The following TMCO5A variants were observed in gnomAD, a reference collection of about 807,000 sequenced individuals.
TMCO5A encodes the protein transmembrane and coiled-coil domains 5A.
In TMCO5A, 34 loss-of-function variants were observed where a neutral mutation model predicts 42.3. That is an observed-to-expected ratio of 0.80 (90% CI 0.61 to 1.07). The LOEUF is 1.07. Among genes scored for constraint, TMCO5A ranks in the 50% least tolerant of loss-of-function variants. The pLI is 0.00. For missense variants in TMCO5A, 357 were observed against 327.9 expected (o/e 1.09, Z -0.69); for synonymous variants, 131 against 115.6 (o/e 1.13, Z -0.86).
At chr15:37,958,115 A>T (rs1033319450) in intron 11 of TMCO5A, among the ~76,000 whole-genome samples, 1 of 152,102 alleles carries the variant, frequency 6.6e-6, no homozygotes, top group South Asian at 2.1e-4. Flanking sequence ...ACTTAAACGT[A>T]AGACCTAAAA....
At chr15:38,017,990 C>T in the TMCO5A span, among the ~76,000 whole-genome samples, 1 of 152,158 alleles carries the variant, frequency 6.6e-6, no homozygotes, top group Non-Finnish European at 1.5e-5. Flanking sequence ...CCTTGCTTCC[C>T]CTTTGCCTTT....
the TMCO5A span, among the ~76,000 whole-genome samples, chr15:37,992,830 G>A: frequency 6.6e-6 from 1 of 152,166 alleles, no homozygotes; most frequent in Admixed American, 6.5e-5. Context: ...GGGAACATCA[G>A]ACACTGGGGA....
downstream of TMCO5A, among the ~76,000 whole-genome samples, chr15:37,954,289 G>A (rs1376129620): frequency 6.6e-6 from 1 of 152,062 alleles, no homozygotes; most frequent in African/African-American, 2.4e-5. Flanking sequence ...ATAGAGAAAG[G>A]ATCACAAATG....
At chr15:38,010,780 C>T in the TMCO5A span, among the ~76,000 whole-genome samples, 1 of 152,042 alleles carries the variant, frequency 6.6e-6, no homozygotes, top group South Asian at 2.1e-4. Context: ...TGAGACAGTG[C>T]CTCACTCTGC....
chr15:38,034,162 C>T, the TMCO5A span, among the ~76,000 whole-genome samples: 12 of 152,140 alleles, frequency 7.9e-5, no homozygotes, highest in African/African-American at 2.9e-4. Flanking sequence ...AAGGGCCTGT[C>T]TAGCTCCCTC....
the TMCO5A span, among the ~76,000 whole-genome samples, chr15:38,011,782 G>T: frequency 6.6e-6 from 1 of 152,128 alleles, no homozygotes; most frequent in Non-Finnish European, 1.5e-5. Context: ...GTGTTTCTGT[G>T]TATCTTTTCC....
chr15:37,976,509 T>C, the TMCO5A span, among the ~76,000 whole-genome samples: 5 of 152,162 alleles, frequency 3.3e-5, no homozygotes, highest in Non-Finnish European at 7.3e-5. Context: ...TTTTCCAAGT[T>C]GCTTGCTTTC....
At chr15:37,963,365 G>A (rs183127013) in intron 11 of TMCO5A, among the ~76,000 whole-genome samples, 1 of 152,002 alleles carries the variant, frequency 6.6e-6, no homozygotes, top group Non-Finnish European at 1.5e-5. Context: ...TGGTTTTGAA[G>A]GTTCCTTTTG....
At chr15:38,018,552 T>C in the TMCO5A span, among the ~76,000 whole-genome samples, 4 of 151,832 alleles carry the variant, frequency 2.6e-5, no homozygotes, top group Admixed American at 2.0e-4. Context: ...AATAGAATTC[T>C]ACCCAACTGG....
the TMCO5A span, among the ~76,000 whole-genome samples, chr15:38,013,181 C>T: frequency 6.6e-6 from 1 of 152,148 alleles, no homozygotes; most frequent in African/African-American, 2.4e-5. Context: ...CATCCAGAAG[C>T]CACCCACAAA....
chr15:37,945,262 T>C (rs898548937), intron 10 of TMCO5A, among the ~76,000 whole-genome samples: 6 of 152,268 alleles, frequency 3.9e-5, no homozygotes, highest in Middle Eastern at 3.4e-3. Context: ...ACATATTCTT[T>C]ATCCAGTCTA....
At chr15:37,943,441 C>T in intron 10 of TMCO5A, 43 bp downstream of exon 10, 5 of 1,592,266 alleles carry the variant, frequency 3.1e-6, no homozygotes, top group South Asian at 2.2e-5. Context: ...AGTGTCATTG[C>T]CTTTCAAAGC....
At chr15:38,023,645 G>A in the TMCO5A span, among the ~76,000 whole-genome samples, 16 of 152,138 alleles carry the variant, frequency 1.1e-4, no homozygotes, top group Admixed American at 9.8e-4. Flanking sequence ...CTCTCAATGC[G>A]AGGAGTAGCA....
At chr15:37,969,551 T>A (rs1890633878), downstream of TMCO5A, among the ~76,000 whole-genome samples, 1 of 152,210 alleles carries the variant, frequency 6.6e-6, no homozygotes, top group Non-Finnish European at 1.5e-5. Flanking sequence ...TGTGTATAAC[T>A]TTTTATAAAA....
chr15:38,035,307 G>A, the TMCO5A span, among the ~76,000 whole-genome samples: 1 of 152,282 alleles, frequency 6.6e-6, no homozygotes, highest in South Asian at 2.1e-4. Flanking sequence ...GCCAGCCTCT[G>A]TATGTACCAT....
At chr15:38,034,265 T>A in the TMCO5A span, among the ~76,000 whole-genome samples, 2 of 152,088 alleles carry the variant, frequency 1.3e-5, no homozygotes, top group Non-Finnish European at 2.9e-5. Context: ...AATATCACAT[T>A]GCCAATTAAG....
intron 10 of TMCO5A, among the ~76,000 whole-genome samples, chr15:37,946,705 GA>G (rs1440810847): frequency 6.6e-6 from 1 of 152,088 alleles, no homozygotes; most frequent in African/African-American, 2.4e-5. Flanking sequence ...TCTGCACATT[GA>G]ATTTGTAGCC....
chr15:37,977,710 A>G, the TMCO5A span, among the ~76,000 whole-genome samples: 5 of 152,216 alleles, frequency 3.3e-5, no homozygotes, highest in Non-Finnish European at 5.9e-5. Flanking sequence ...GGGCAAGCTC[A>G]GCCTTTATGT....
chr15:37,975,991 C>T, the TMCO5A span, among the ~76,000 whole-genome samples: 1 of 66 alleles, frequency 0.015, no homozygotes, highest in East Asian at 0.25. Flanking sequence ...GCCTGTAATC[C>T]CCAGCACTTT....
Sources: gnomAD v4.1 joint callset for allele counts (sites outside exome capture counted in the v4.1 genomes callset) on GRCh38, gnomAD v4.1.1 for gene constraint, MANE v1.5 for transcripts, NCBI Gene and HGNC (gene_info 2026-07-23, HGNC 2026-07-21) for gene names.